The following SMAD4 variants were observed in gnomAD, a reference collection of about 807,000 sequenced individuals.
The protein encoded by SMAD4 is SMAD family member 4.
Under a neutral mutation model 63.2 loss-of-function variants are expected in SMAD4, and 7 were observed. That is an observed-to-expected ratio of 0.11 (90% CI 0.06 to 0.21). The LOEUF (loss-of-function observed/expected upper bound fraction) is 0.21, where lower values mean the gene tolerates loss of function less well. SMAD4 is among the 10% of genes least tolerant of loss of function. The pLI, the probability that SMAD4 is intolerant of heterozygous loss-of-function variation, is 1.00. For synonymous variants in SMAD4, 215 were observed against 235.4 expected (o/e 0.91, Z 0.79); for missense variants, 312 against 693.8 (o/e 0.45, Z 6.18).
Position 51,065,718 on chromosome 18 carries a change from A to G in SMAD4, c.1139+112A>G, listed in dbSNP as rs533095293. On this transcript the variant is annotated intron_variant, in intron 9 of 11. Transcript: ENST00000342988. ...TTATATGTGTTCTTAAATATAAATAAAGGAATAAAGGTCATGTTGAAAACT... is the reference window on the plus strand; with the variant it reads ...TTATATGTGTTCTTAAATATAAATAGAGGAATAAAGGTCATGTTGAAAACT... 4 of 799,124 alleles carry G rather than the reference A, an allele frequency of 5.0e-6. No homozygotes were observed. In the African/African-American group the frequency reaches 5.2e-5, roughly 10 times the overall value. 49.5% of individuals were successfully genotyped at this position (799,124 alleles called of 1,614,324 possible).
chr18:51,030,902 C>T (rs1909028083), intron 1 of SMAD4, among the ~76,000 whole-genome samples: 1 of 152,098 alleles, frequency 6.6e-6, no homozygotes, highest in African/African-American at 2.4e-5. Context: ...CTGCCGCGGC[C>T]GCCGCTCCTC....
rs568293437 is a variant in SMAD4, at chr18:51,070,919, C to G, written c.1308+3732C>G. Among the ~76,000 whole-genome samples the G allele has an allele frequency of 1.3e-3, 196 of 152,138 alleles. 2 individuals are homozygous for G. The highest frequency in any genetic ancestry group is 0.012 in the Admixed American group (180 of 15,266). ...TAACATTGTTCTGTTTTATTATTAC[C>G]TGTTGTTGTTAATCTCTTACTATGC... On this transcript the variant is annotated intron_variant, in intron 10 of 11. Transcript: ENST00000342988.
intron 7 of SMAD4, 150 bp downstream of exon 7, chr18:51,058,606 ATTAT>A: frequency 1.5e-6 from 1 of 658,840 alleles, no homozygotes; most frequent in South Asian, 1.8e-5. Context: ...TGTAAACAGT[ATTAT>A]TTTTCATAGT....
chr18:51,031,550 C>G (rs751325742), intron 1 of SMAD4, among the ~76,000 whole-genome samples: 7 of 152,162 alleles, frequency 4.6e-5, no homozygotes, highest in Admixed American at 1.3e-4. Context: ...GAATAATAAA[C>G]ACAACAGGAT....
intron 4 of SMAD4, among the ~76,000 whole-genome samples, chr18:51,050,793 C>T (rs1199834435): frequency 1.3e-5 from 2 of 151,718 alleles, no homozygotes; most frequent in African/African-American, 4.8e-5. Context: ...GTGACCTTAA[C>T]CAAAATTTAG....
chr18:51,030,798 C>T (rs1302162951), intron 1 of SMAD4, among the ~76,000 whole-genome samples, 175 bp downstream of exon 1: 1 of 151,442 alleles, frequency 6.6e-6, no homozygotes, highest in African/African-American at 2.4e-5. Flanking sequence ...CCGGGCGGGC[C>T]GGCTGAATGC....
chr18:51,038,799 T>TAAGA (rs1458019786), intron 1 of SMAD4, among the ~76,000 whole-genome samples: 1 of 152,224 alleles, frequency 6.6e-6, no homozygotes, highest in Non-Finnish European at 1.5e-5. Context: ...ATAAAGCAAA[T>TAAGA]ACCAAAAATT....
chr18:51,058,014 C>A, intron 5 of SMAD4, 111 bp from the exon 6 acceptor site: 1 of 1,305,166 alleles, frequency 7.7e-7, no homozygotes, highest in Non-Finnish European at 1.1e-6. Flanking sequence ...ACACTTTTTG[C>A]CCATCTTTAT....
At chr18:51,042,841 T>A (rs1046526642) in intron 1 of SMAD4, among the ~76,000 whole-genome samples, 7 of 152,214 alleles carry the variant, frequency 4.6e-5, no homozygotes, top group African/African-American at 1.7e-4. Flanking sequence ...ATTCATTTTC[T>A]TAGTTCAAGT....
intron 1 of SMAD4, among the ~76,000 whole-genome samples, chr18:51,039,479 TC>T (rs1348624900): frequency 3.5e-4 from 42 of 121,286 alleles, no homozygotes; most frequent in East Asian, 1.0e-3. Flanking sequence ...AAGAGGGCCT[TC>T]CCCCCCCCAC....
chr18:51,037,013 C>A (rs1470458380), intron 1 of SMAD4, among the ~76,000 whole-genome samples: 1 of 152,006 alleles, frequency 6.6e-6, no homozygotes, highest in Non-Finnish European at 1.5e-5. Context: ...TACAAAAATT[C>A]ATTGGGCATG....
chr18:51,057,225 GT>G (rs2144424536), intron 5 of SMAD4, among the ~76,000 whole-genome samples: 1 of 152,180 alleles, frequency 6.6e-6, no homozygotes, highest in African/African-American at 2.4e-5. Context: ...AAAGAATGAG[GT>G]GATGCCAGTT....
chr18:51,043,722 G>A (rs183336718), intron 1 of SMAD4, among the ~76,000 whole-genome samples: 382 of 152,270 alleles, frequency 2.5e-3, no homozygotes, highest in Middle Eastern at 6.8e-3. Context: ...TAAGGCCCCA[G>A]CATAGCATAA....
At chr18:51,053,041 C>T (rs983495255) in intron 4 of SMAD4, 2 of 152,188 alleles carry the variant, frequency 1.3e-5, no homozygotes, top group Non-Finnish European at 2.9e-5. Flanking sequence ...TTCAAACTTA[C>T]ATTTGGGAAG....
At chr18:51,054,018 GCTAA>G (rs1262608396) in intron 4 of SMAD4, 2 of 152,208 alleles carry the variant, frequency 1.3e-5, no homozygotes, top group East Asian at 1.9e-4. Context: ...ATACAGCAGA[GCTAA>G]CTATTTCCTG....
At chr18:51,031,851 T>C (rs537947353) in intron 1 of SMAD4, among the ~76,000 whole-genome samples, 149 of 152,336 alleles carry the variant, frequency 9.8e-4, no homozygotes, top group African/African-American at 3.4e-3. Context: ...CTAGATAATA[T>C]ATATTTCAGT....
At chr18:51,042,834 C>T (rs1378855316) in intron 1 of SMAD4, among the ~76,000 whole-genome samples, 2 of 152,158 alleles carry the variant, frequency 1.3e-5, no homozygotes, top group African/African-American at 2.4e-5. Context: ...CTTGTTAATT[C>T]ATTTTCTTAG....
chr18:51,034,751 G>A (rs942392759), intron 1 of SMAD4, among the ~76,000 whole-genome samples: 2 of 151,830 alleles, frequency 1.3e-5, no homozygotes, highest in East Asian at 3.9e-4. Flanking sequence ...TCTCTCTGTT[G>A]CCCAGGCTGG....
intron 1 of SMAD4, among the ~76,000 whole-genome samples, chr18:51,035,012 A>G (rs982661287): frequency 6.6e-6 from 1 of 152,118 alleles, no homozygotes; most frequent in African/African-American, 2.4e-5. Flanking sequence ...TTTCTTTTGA[A>G]CTGTTTCACT....
Sources: gnomAD v4.1 joint callset for allele counts (sites outside exome capture counted in the v4.1 genomes callset) on GRCh38, gnomAD v4.1.1 for gene constraint, MANE v1.5 for transcripts, NCBI Gene and HGNC (gene_info 2026-07-23, HGNC 2026-07-21) for gene names.